The following GRIK1 variants were observed in gnomAD, a reference collection of about 807,000 sequenced individuals.
GRIK1 encodes glutamate ionotropic receptor kainate type subunit 1, also known as glutamate receptor ionotropic, kainate 1.
A neutral mutation model predicts 105.7 loss-of-function variants in GRIK1; 69 were observed. That is an observed-to-expected ratio of 0.65 (90% CI 0.54 to 0.80). The LOEUF is 0.80. Among genes scored for constraint, GRIK1 ranks in the 30% least tolerant of loss-of-function variants. The pLI, the probability that GRIK1 is intolerant of heterozygous loss-of-function variation, is 0.00. For missense variants in GRIK1, 1,109 were observed against 1,167.3 expected (o/e 0.95, Z 0.73); for synonymous variants, 438 against 431.3 (o/e 1.02, Z -0.19).
chr21:29,580,073 ATATGTATATG>A (rs2090990572), intron 13 of GRIK1, among the ~76,000 whole-genome samples: 1 of 147,092 alleles, frequency 6.8e-6, no homozygotes, highest in African/African-American at 2.5e-5. Flanking sequence ...ATGTGTATAT[ATATGTATATG>A]TGTGTGTATA....
chr21:29,814,404 C>A (rs1028671153), intron 1 of GRIK1, among the ~76,000 whole-genome samples: 17 of 152,034 alleles, frequency 1.1e-4, no homozygotes, highest in African/African-American at 3.9e-4. Context: ...ATTTGCGATG[C>A]TGGGTGCTTG....
At chr21:29,892,217 A>G (rs772418149) in intron 1 of GRIK1, among the ~76,000 whole-genome samples, 7 of 152,174 alleles carry the variant, frequency 4.6e-5, no homozygotes, top group Admixed American at 6.5e-5. Context: ...TAGAAATACC[A>G]AAGTCTGGAG....
chr21:29,773,950 A>C (rs1177622709), intron 1 of GRIK1, among the ~76,000 whole-genome samples: 3 of 152,132 alleles, frequency 2.0e-5, no homozygotes, highest in Non-Finnish European at 2.9e-5. Context: ...TTACTCATTC[A>C]CTCAATCCAA....
At chr21:29,931,922 T>C (rs2071580761) in intron 1 of GRIK1, among the ~76,000 whole-genome samples, 1 of 152,160 alleles carries the variant, frequency 6.6e-6, no homozygotes, top group Admixed American at 6.6e-5. Flanking sequence ...TAAAGGGAAA[T>C]AGTAAGTTGT....
chr21:29,791,470 G>A (rs1003928377), intron 1 of GRIK1, among the ~76,000 whole-genome samples: 3 of 151,864 alleles, frequency 2.0e-5, no homozygotes, highest in Admixed American at 6.6e-5. Context: ...CCACATACAT[G>A]AAGCAGGGAG....
At chr21:29,788,953 C>T (rs2066337085) in intron 1 of GRIK1, among the ~76,000 whole-genome samples, 1 of 152,204 alleles carries the variant, frequency 6.6e-6, no homozygotes. Flanking sequence ...ACTCACGGCT[C>T]CCCTGCTGGT....
chr21:29,539,701 G>T (rs1456255327), intron 16 of GRIK1, among the ~76,000 whole-genome samples: 5 of 152,130 alleles, frequency 3.3e-5, no homozygotes, highest in Admixed American at 6.5e-5. Context: ...TTATTTCAAT[G>T]GAAGAAATAT....
chr21:29,614,876 A>G (rs1415932280), intron 7 of GRIK1, among the ~76,000 whole-genome samples: 1 of 151,544 alleles, frequency 6.6e-6, no homozygotes, highest in African/African-American at 2.4e-5. Flanking sequence ...ATTTGTTCCC[A>G]GTACTCTCTC....
chr21:29,583,909 T>A (rs2091075448), intron 12 of GRIK1, among the ~76,000 whole-genome samples: 2 of 152,096 alleles, frequency 1.3e-5, no homozygotes, highest in Admixed American at 6.6e-5. Flanking sequence ...GGTGAAAAGA[T>A]TAATATATGA....
rs189245312 is a variant in GRIK1 at position 29,598,292 on chromosome 21, G to A, written c.1206+538C>T. Among the ~76,000 whole-genome samples the A allele has an allele frequency of 2.0e-5, 3 of 152,236 alleles. No homozygotes were observed. In the East Asian group the frequency reaches 5.8e-4, roughly 29 times the overall value. ...ATTACAACTAAAATAATCCTAAAATGAGAACCCAACATTAAAATACAGTTT... is the reference window on the plus strand; with the variant it reads ...ATTACAACTAAAATAATCCTAAAATAAGAACCCAACATTAAAATACAGTTT... On this transcript the variant is annotated intron_variant, in intron 8 of 17. Transcript: ENST00000327783.
At chr21:29,587,692 C>G in intron 11 of GRIK1, 103 bp from the exon 12 acceptor site, 1 of 657,198 alleles carries the variant, frequency 1.5e-6, no homozygotes, top group Non-Finnish European at 2.6e-6. Flanking sequence ...CTAAATGCTT[C>G]TCATTCATGA....
intron 1 of GRIK1, among the ~76,000 whole-genome samples, chr21:29,773,510 C>T (rs457243): frequency 0.16 from 24,511 of 151,938 alleles, 1,936 homozygotes; most frequent in Non-Finnish European, 0.16. Flanking sequence ...AAGGCAGAGT[C>T]GTGAAATGTT....
At chr21:29,707,889 T>A (rs73354522) in intron 1 of GRIK1, among the ~76,000 whole-genome samples, 1,659 of 152,276 alleles carry the variant, frequency 0.011, 27 homozygotes, top group African/African-American at 0.038. Flanking sequence ...TATGTCACAG[T>A]TTTCTTAATC....
At chr21:29,797,989 G>C (rs555404878) in intron 1 of GRIK1, among the ~76,000 whole-genome samples, 1 of 152,260 alleles carries the variant, frequency 6.6e-6, no homozygotes, top group African/African-American at 2.4e-5. Flanking sequence ...TAGTCCCAAT[G>C]AGTATGTTTT....
At chr21:29,845,912 A>G (rs904702724) in intron 1 of GRIK1, among the ~76,000 whole-genome samples, 1 of 152,158 alleles carries the variant, frequency 6.6e-6, no homozygotes, top group Non-Finnish European at 1.5e-5. Flanking sequence ...ACCCTGTTAC[A>G]TGCTTTGTCA....
intron 7 of GRIK1, among the ~76,000 whole-genome samples, chr21:29,633,635 T>C (rs2062334173): frequency 6.6e-6 from 1 of 152,186 alleles, no homozygotes. Context: ...ATGTAATTGG[T>C]AAAAATATAA....
chr21:29,595,220 C>A (rs1568862758), intron 9 of GRIK1, among the ~76,000 whole-genome samples: 1 of 151,902 alleles, frequency 6.6e-6, no homozygotes, highest in Admixed American at 6.6e-5. Context: ...AGTTTAGTGA[C>A]AAATAGAGGA....
At chr21:29,768,646 G>T (rs1262324206) in intron 1 of GRIK1, among the ~76,000 whole-genome samples, 1 of 152,176 alleles carries the variant, frequency 6.6e-6, no homozygotes, top group Admixed American at 6.5e-5. Context: ...ATGTGCAGGG[G>T]GGATGCCACC....
At chr21:29,767,863 CATGT>C (rs1184302122) in intron 1 of GRIK1, among the ~76,000 whole-genome samples, 261 of 91,676 alleles carry the variant, frequency 2.8e-3, no homozygotes, top group African/African-American at 9.8e-3. Context: ...AGCTGAAATT[CATGT>C]GTGTGTGTGT....
Sources: gnomAD v4.1 joint callset for allele counts (sites outside exome capture counted in the v4.1 genomes callset) on GRCh38, gnomAD v4.1.1 for gene constraint, MANE v1.5 for transcripts, NCBI Gene and HGNC (gene_info 2026-07-23, HGNC 2026-07-21) for gene names.